The following PLXNC1 variants were observed in gnomAD, a reference collection of about 807,000 sequenced individuals.
PLXNC1 encodes the protein plexin-C1.
A neutral mutation model predicts 178.2 loss-of-function variants in PLXNC1; 75 were observed. The ratio of observed to expected loss-of-function variants is 0.42; its 90% CI spans 0.35 to 0.51. PLXNC1 has a LOEUF of 0.51. Among genes scored for constraint, PLXNC1 ranks in the 20% least tolerant of loss-of-function variants. PLXNC1 has a pLI of 0.02. For synonymous variants in PLXNC1, 790 were observed against 779.9 expected (o/e 1.01, Z -0.22); for missense variants, 1,503 against 1,984.4 (o/e 0.76, Z 4.61).
chr12:94,219,398 C>A (rs1428193426), intron 5 of PLXNC1, among the ~76,000 whole-genome samples: 1 of 151,954 alleles, frequency 6.6e-6, no homozygotes, highest in Admixed American at 6.5e-5. Flanking sequence ...AAAGTTGGAC[C>A]CTTATCTCAC....
intron 5 of PLXNC1, among the ~76,000 whole-genome samples, chr12:94,214,529 AC>A (rs1438997967): frequency 2.6e-5 from 4 of 152,256 alleles, no homozygotes; most frequent in Non-Finnish European, 5.9e-5. Context: ...AATATAAAAA[AC>A]ATTACTTACT....
chr12:94,220,827 CCAGA>C lies in PLXNC1; in HGVS notation c.1702+667_1702+670del, dbSNP rs751903114. 2.4e-4 allele frequency among the ~76,000 whole-genome samples: 37 copies of C among 152,254 alleles called. No homozygotes were observed. The South Asian group carries it at 7.7e-3, about 32-fold the overall frequency. ...CAGACAAGGTGAGGGTAGAGTTGAG[CCAGA>C]CAAAGACGATGGGGATGGGTATTTC... On this transcript the variant is annotated intron_variant, in intron 6 of 30. Transcript: ENST00000258526.
intron 9 of PLXNC1, among the ~76,000 whole-genome samples, chr12:94,236,916 T>A (rs1964259022): frequency 1.3e-5 from 2 of 152,142 alleles, no homozygotes; most frequent in Non-Finnish European, 2.9e-5. Context: ...GGCTTTTTTT[T>A]TAAAGGGAGA....
At chr12:94,275,676 A>T (rs1965884185) in intron 21 of PLXNC1, among the ~76,000 whole-genome samples, 1 of 101,524 alleles carries the variant, frequency 9.8e-6, no homozygotes, top group African/African-American at 4.1e-5. Flanking sequence ...AAACGGTGAA[A>T]CCCCGTCTCT....
chr12:94,239,565 A>T (rs1276395296), intron 10 of PLXNC1, among the ~76,000 whole-genome samples: 2 of 152,226 alleles, frequency 1.3e-5, no homozygotes, highest in Non-Finnish European at 2.9e-5. Flanking sequence ...ACAGATTCTC[A>T]TGTAGCACGG....
intron 4 of PLXNC1, among the ~76,000 whole-genome samples, chr12:94,197,704 G>A (rs1375133956): frequency 1.3e-5 from 2 of 152,048 alleles, no homozygotes; most frequent in African/African-American, 2.4e-5. Flanking sequence ...ACATCTTTGG[G>A]GGCCATTATT....
chr12:94,235,847 G>A (rs1964226474), intron 9 of PLXNC1, among the ~76,000 whole-genome samples: 1 of 152,248 alleles, frequency 6.6e-6, no homozygotes, highest in South Asian at 2.1e-4. Context: ...GCAGGATCTG[G>A]CCCACAGACT....
At chr12:94,158,100 T>C (rs569852842) in intron 1 of PLXNC1, 19 of 152,334 alleles carry the variant, frequency 1.2e-4, no homozygotes, top group African/African-American at 4.3e-4. Context: ...AACAAACCTT[T>C]CCCATACAGT....
chr12:94,279,766 C>T (rs1406860311), intron 22 of PLXNC1, 117 bp downstream of exon 22: 1 of 922,888 alleles, frequency 1.1e-6, no homozygotes, highest in South Asian at 1.4e-5. Context: ...GACACTTACA[C>T]AGCCAGGTTG....
intron 7 of PLXNC1, 124 bp downstream of exon 7, chr12:94,224,439 T>C (rs932143511): frequency 1.6e-5 from 11 of 685,446 alleles, no homozygotes; most frequent in South Asian, 6.4e-5. Flanking sequence ...TTTTGAAGCA[T>C]GGTGTAATGG....
chr12:94,181,254 G>T lies in PLXNC1; in HGVS notation c.1204-192G>T, dbSNP rs775001671. ...CTCTACTAAAAAAAATTAGCTGGGT[G>T]TGGTGCATCTATAGTCCCAGCTACT... On this transcript the variant is annotated intron_variant, in intron 2 of 30. Transcript: ENST00000258526. 2.6e-5 allele frequency among the ~76,000 whole-genome samples: 4 copies of T among 152,030 alleles called. No individual in the cohort carries two copies. The East Asian group carries it at 5.8e-4, about 22-fold the overall frequency.
At chr12:94,199,846 A>T (rs1461290621) in intron 4 of PLXNC1, among the ~76,000 whole-genome samples, 1 of 152,138 alleles carries the variant, frequency 6.6e-6, no homozygotes, top group African/African-American at 2.4e-5. Context: ...GCTGGAGTGC[A>T]ATGGCACAAT....
At chr12:94,245,396 T>C (rs1294758652) in intron 12 of PLXNC1, among the ~76,000 whole-genome samples, 1 of 152,182 alleles carries the variant, frequency 6.6e-6, no homozygotes, top group Non-Finnish European at 1.5e-5. Flanking sequence ...GATTGAAAGT[T>C]GAGGCTGGGT....
chr12:94,251,269 A>G (rs1964677413), intron 14 of PLXNC1, among the ~76,000 whole-genome samples, 157 bp from the exon 15 acceptor site: 1 of 152,222 alleles, frequency 6.6e-6, no homozygotes, highest in African/African-American at 2.4e-5. Context: ...GCCCAAGGAC[A>G]CATAGCTAAT....
intron 1 of PLXNC1, chr12:94,168,320 G>A (rs577785734): frequency 2.0e-5 from 3 of 152,302 alleles, no homozygotes; most frequent in East Asian, 3.9e-4. Flanking sequence ...TCCTGTCGTT[G>A]AAGGCAGGAT....
intron 24 of PLXNC1, among the ~76,000 whole-genome samples, chr12:94,296,812 T>C (rs1158514215): frequency 6.6e-6 from 1 of 152,250 alleles, no homozygotes. Flanking sequence ...ATGTCTCTCA[T>C]TGGCCAGAAT....
At position 94,226,655 on chromosome 12, in the gene PLXNC1, G is replaced by A. The variant is rs779166104; in HGVS notation, c.1841G>A (p.Arg614Lys). Residue 614 changes from arginine to lysine, a missense_variant, in exon 8 of 31, where the codon AGG (arginine) becomes AAG (lysine). This residue lies in a region of PLXNC1 where 615 missense variants were observed against 698.6 expected (regional missense o/e 0.88). Coordinates refer to ENST00000258526, the MANE Select transcript of PLXNC1 (RefSeq NM_005761.3). ...TGCGCGTGGTGTAAAAGTGCAAGAA[G>A]GTGTATCCACCCCTTCACAGCTTGC... ...TGCAWCKSAR[R>K]CIHPFTACDP... 20 of 1,613,962 alleles carry A rather than the reference G, an allele frequency of 1.2e-5. No homozygotes were observed. Among genetic ancestry groups the A allele is most frequent in the Non-Finnish European group, 1.7e-5 (20 of 1,179,864 alleles).
rs961380712 is a variant in PLXNC1, at chr12:94,247,934, G to T, written c.2420G>T (p.Gly807Val). The T allele has an allele frequency of 6.2e-7, 1 of 1,613,970 alleles. No individual in the cohort carries two copies. The highest frequency in any genetic ancestry group is 8.5e-7 in the Non-Finnish European group (1 of 1,180,004). ...VSEYCVATYCGFLAPSLKSSK... is the reference protein window; with the variant it reads ...VSEYCVATYCVFLAPSLKSSK... ...GAATATTGTGTGGCGACTTACTGCG[G>T]GTTTTTAGCCCCCAGTTTAAAGAGT... is the stretch of plus-strand genomic sequence containing the variant. Residue 807 changes from glycine (G) to valine (V), a missense_variant, in exon 13 of 31, where the codon GGG becomes GTG. Gly to Val is a moderately radical substitution (Grantham distance 109). Coordinates refer to ENST00000258526, the MANE Select transcript of PLXNC1 (RefSeq NM_005761.3).
At chr12:94,292,453 T>C (rs1967433186) in intron 23 of PLXNC1, among the ~76,000 whole-genome samples, 1 of 152,254 alleles carries the variant, frequency 6.6e-6, no homozygotes, top group Non-Finnish European at 1.5e-5. Flanking sequence ...TCCCACATTA[T>C]GCTTACATTT....
Sources: gnomAD v4.1 joint callset for allele counts (sites outside exome capture counted in the v4.1 genomes callset) on GRCh38, gnomAD v4.1.1 for gene constraint, gnomAD v4.1.1 regional missense constraint, MANE v1.5 for transcripts, NCBI Gene and HGNC (gene_info 2026-07-23, HGNC 2026-07-21) for gene names.